Variants in HOOK3 observed in about 807,000 individuals in gnomAD.
HOOK3 encodes hook microtubule tethering protein 3, also known as protein Hook homolog 3.
A neutral mutation model predicts 116.3 loss-of-function variants in HOOK3; 24 were observed. That is an observed-to-expected ratio of 0.21 (90% CI 0.15 to 0.29). The LOEUF (loss-of-function observed/expected upper bound fraction) is 0.29. Ranked by LOEUF, HOOK3 falls within the 10% of genes least tolerant of loss-of-function variation. HOOK3 has a pLI of 1.00. For synonymous variants in HOOK3, 275 were observed against 283.0 expected (o/e 0.97, Z 0.28); for missense variants, 632 against 830.2 (o/e 0.76, Z 2.93).
intron 4 of HOOK3, among the ~76,000 whole-genome samples, chr8:42,941,751 C>A (rs1808132188): frequency 6.6e-6 from 1 of 151,954 alleles, no homozygotes; most frequent in African/African-American, 2.4e-5. Flanking sequence ...CCATCCTGAC[C>A]CCTGGACCTT....
At position 43,019,639 on chromosome 8, in the gene HOOK3, TG is replaced by T. The variant is rs1447025406; in HGVS notation, c.*1142del. 2.4e-5 allele frequency: 5 copies of T among 204,126 alleles called. No individual in the cohort carries two copies. The highest frequency in any genetic ancestry group is 1.1e-4 in the African/African-American group (5 of 43,788). The allele number at this position is 204,126 out of a possible 1,614,324, so 12.6% of individuals were successfully genotyped here. A position where few individuals can be genotyped will look rare whatever the true frequency, so the allele number is the denominator to read the frequency against. ...TTGGTTGCCTCAAAGTGCTTACATTTGTTAACAGATTGTAAACCACATTTAT... is the reference window on the plus strand; with the variant it reads ...TTGGTTGCCTCAAAGTGCTTACATTTTTAACAGATTGTAAACCACATTTAT... On this transcript the variant is annotated 3_prime_UTR_variant, in exon 22 of 22. Coordinates refer to ENST00000307602, the MANE Select transcript of HOOK3 (RefSeq NM_032410.4).
chr8:42,976,770 G>A (rs910298652), intron 13 of HOOK3, among the ~76,000 whole-genome samples: 2 of 152,110 alleles, frequency 1.3e-5, no homozygotes, highest in Admixed American at 6.5e-5. Context: ...GGTGGCGGGT[G>A]CCTATAGTCC....
chr8:42,967,222 A>C (rs1267552540), intron 10 of HOOK3, among the ~76,000 whole-genome samples: 1 of 151,318 alleles, frequency 6.6e-6, no homozygotes, highest in African/African-American at 2.4e-5. Flanking sequence ...TCATTGTCTC[A>C]CTCATAGCCA....
At chr8:42,904,595 G>A (rs1393328861) in intron 1 of HOOK3, among the ~76,000 whole-genome samples, 3 of 152,162 alleles carry the variant, frequency 2.0e-5, no homozygotes, top group African/African-American at 7.2e-5. Context: ...ACAGGCATGA[G>A]CCACCGCCCC....
chr8:42,917,944 C>A (rs968112538), intron 2 of HOOK3, among the ~76,000 whole-genome samples: 3 of 152,062 alleles, frequency 2.0e-5, no homozygotes, highest in Non-Finnish European at 4.4e-5. Context: ...TATTTTAGGT[C>A]ATTAAATGAT....
chr8:42,948,825 T>C (rs1157599223), intron 5 of HOOK3, among the ~76,000 whole-genome samples: 1 of 152,218 alleles, frequency 6.6e-6, no homozygotes, highest in African/African-American at 2.4e-5. Flanking sequence ...TTTGACTAAA[T>C]AGTGATTAAG....
intron 5 of HOOK3, among the ~76,000 whole-genome samples, chr8:42,947,484 T>G (rs928711520): frequency 6.6e-6 from 1 of 152,190 alleles, no homozygotes; most frequent in Non-Finnish European, 1.5e-5. Flanking sequence ...AGATAGTCAA[T>G]TATAATATTT....
Position 43,026,000 on chromosome 8 carries a change from G to T in HOOK3, c.*7502G>T. 1 of 210,464 alleles carries T rather than the reference G, an allele frequency of 4.8e-6. No individual in the cohort carries two copies. Among genetic ancestry groups the T allele is most frequent in the Non-Finnish European group, 9.6e-6 (1 of 103,650 alleles). 13.0% of individuals were successfully genotyped at this position (210,464 alleles called of 1,614,324 possible). On this transcript the variant is annotated 3_prime_UTR_variant, in exon 22 of 22. Coordinates refer to ENST00000307602, the MANE Select transcript of HOOK3 (RefSeq NM_032410.4). ...TATATCTACTTAGAGCTTAGAGGAA[G>T]AATTAGGTATCATGAGAAAAGCAAC...
At chr8:42,903,350 T>TTTTTTTTTTTTTTTTTTTTTTTTTTTTC (rs1563287035) in intron 1 of HOOK3, among the ~76,000 whole-genome samples, 1 of 143,536 alleles carries the variant, frequency 7.0e-6, no homozygotes, top group African/African-American at 2.6e-5. Flanking sequence ...TTTTTTTTTT[T>TTTTTTTTTTTTTTTTTTTTTTTTTTTTC]TTTTTTTTTT....
rs543660946 is a variant in HOOK3, at chr8:43,001,429, A to G, written c.1621-678A>G. On this transcript the variant is annotated intron_variant, in intron 16 of 21. Transcript: ENST00000307602. The stretch of plus-strand genomic sequence containing the variant: ...CATTTATCTCAAAATGAAATGTTCC[A>G]TAAAATTTATTAATAGTATATACTG... Among the ~76,000 whole-genome samples, 10 of 152,306 alleles carry G rather than the reference A, an allele frequency of 6.6e-5. No individual in the cohort carries two copies. In the South Asian group the frequency reaches 1.5e-3, roughly 22 times the overall value.
chr8:42,910,057 A>G (rs1483184467), intron 2 of HOOK3, among the ~76,000 whole-genome samples: 2 of 152,206 alleles, frequency 1.3e-5, no homozygotes, highest in African/African-American at 2.4e-5. Context: ...GTATTTTGCA[A>G]TTCTGAGGGA....
chr8:42,936,623 C>T (rs1394844909), intron 4 of HOOK3, among the ~76,000 whole-genome samples: 1 of 152,118 alleles, frequency 6.6e-6, no homozygotes, highest in Non-Finnish European at 1.5e-5. Context: ...TTATCGAAGG[C>T]CTTTTCTGCA....
chr8:42,922,967 C>T (rs1238407992), intron 2 of HOOK3, among the ~76,000 whole-genome samples: 1 of 151,778 alleles, frequency 6.6e-6, no homozygotes, highest in African/African-American at 2.4e-5. Context: ...TGTTAAGAGG[C>T]TGGTATCCTG....
chr8:43,018,962 A>G lies in HOOK3; in HGVS notation c.*464A>G, dbSNP rs1809769991. On this transcript the variant is annotated 3_prime_UTR_variant, in exon 22 of 22. Transcript: ENST00000307602. ...TCAATTGTTTTCCAAGTACAGTTCA[A>G]ATAACTTGCATATTTACTATACAAA... is the stretch of plus-strand genomic sequence containing the variant. 2 of 214,170 alleles carry G rather than the reference A, an allele frequency of 9.3e-6. No individual in the cohort carries two copies. Among genetic ancestry groups the G allele is most frequent in the Non-Finnish European group, 1.9e-5 (2 of 105,908 alleles). 13.3% of individuals were successfully genotyped at this position (214,170 alleles called of 1,614,324 possible).
intron 1 of HOOK3, among the ~76,000 whole-genome samples, chr8:42,905,312 C>CT (rs1807281843): frequency 3.9e-5 from 4 of 102,952 alleles, no homozygotes; most frequent in Non-Finnish European, 5.9e-5. Flanking sequence ...TTTTTTTTTC[C>CT]TGTTTCTTTT....
intron 13 of HOOK3, among the ~76,000 whole-genome samples, chr8:42,978,337 G>A (rs1049470434): frequency 4.0e-5 from 6 of 151,848 alleles, no homozygotes; most frequent in Non-Finnish European, 7.4e-5. Flanking sequence ...TCTGCCTACC[G>A]GGTTCAAGTG....
At chr8:42,981,843 C>G (rs543541312) in intron 13 of HOOK3, among the ~76,000 whole-genome samples, 1 of 148,374 alleles carries the variant, frequency 6.7e-6, no homozygotes, top group Non-Finnish European at 1.5e-5. Flanking sequence ...AAGATCATAC[C>G]ACTACACTCC....
At chr8:42,965,388 T>C (rs1808615313) in intron 9 of HOOK3, among the ~76,000 whole-genome samples, 1 of 152,132 alleles carries the variant, frequency 6.6e-6, no homozygotes, top group African/African-American at 2.4e-5. Flanking sequence ...GGTGAGCTGA[T>C]TTAAAAGGAC....
chr8:42,956,873 C>T (rs1025297047), intron 6 of HOOK3, among the ~76,000 whole-genome samples: 2 of 152,188 alleles, frequency 1.3e-5, no homozygotes, highest in African/African-American at 2.4e-5. Context: ...TGAGCCACCG[C>T]GCCCAGCCAG....
Sources: allele counts gnomAD v4.1 joint callset (sites outside exome capture counted in the v4.1 genomes callset), GRCh38; gene constraint gnomAD v4.1.1; transcripts MANE v1.5; gene names NCBI Gene and HGNC (gene_info 2026-07-23, HGNC 2026-07-21).